ZNF880: variants seen among roughly 807,000 people sequenced by gnomAD.
ZNF880 encodes the protein zinc finger protein 880.
Under a neutral mutation model 11.8 loss-of-function variants are expected in ZNF880, and 12 were observed. The ratio of observed to expected loss-of-function variants is 1.02; its 90% confidence interval spans 0.65 to 1.65. ZNF880 has a LOEUF of 1.65. Ranked by LOEUF, ZNF880 falls within the 40% of genes most tolerant of loss-of-function variation. The pLI is 0.00. For missense variants in ZNF880, 601 were observed against 673.9 expected (o/e 0.89, Z 1.20); for synonymous variants, 210 against 232.4 (o/e 0.90, Z 0.88).
the ZNF880 span, chr19:52,395,622 C>T: frequency 6.6e-6 from 1 of 152,310 alleles, no homozygotes; most frequent in East Asian, 1.9e-4. Context: ...TTCTGCTCCC[C>T]AAGGCTCAGG....
the ZNF880 span, chr19:52,395,557 G>A: frequency 6.6e-6 from 1 of 152,210 alleles, no homozygotes; most frequent in South Asian, 2.1e-4. Flanking sequence ...CACACAGTAA[G>A]TTACATGAAG....
At chr19:52,367,107 T>G (rs1986140016), upstream of ZNF880, 2 of 133,322 alleles carry the variant, frequency 1.5e-5, no homozygotes, top group Admixed American at 2.1e-4. Context: ...AGTAATAAAG[T>G]TTAAAGTTTT....
chr19:52,374,210 A>AT, intron 2 of ZNF880, 89 bp from the exon 3 acceptor site: 8 of 1,055,596 alleles, frequency 7.6e-6, no homozygotes, highest in African/African-American at 4.1e-5. Flanking sequence ...ACGCCCCGCT[A>AT]ATTTTTTTTT....
chr19:52,386,185 A>AG (rs1555804469), downstream of ZNF880, among the ~76,000 whole-genome samples: 5 of 141,062 alleles, frequency 3.5e-5, 2 homozygotes, highest in African/African-American at 1.4e-4. Flanking sequence ...AAAAAAAAAA[A>AG]AAAGAAAGAA....
At chr19:52,372,738 A>G (rs1986415858) in intron 1 of ZNF880, among the ~76,000 whole-genome samples, 3 of 149,238 alleles carry the variant, frequency 2.0e-5, no homozygotes, top group African/African-American at 7.3e-5. Context: ...CATCTCTACT[A>G]ACAATACAAA....
upstream of ZNF880, chr19:52,366,877 G>C: frequency 1.3e-6 from 1 of 790,126 alleles, no homozygotes. Flanking sequence ...TTGCATTGAA[G>C]CCTCATCACT....
chr19:52,393,925 C>T, the ZNF880 span, among the ~76,000 whole-genome samples: 4 of 151,088 alleles, frequency 2.6e-5, no homozygotes, highest in African/African-American at 4.9e-5. Context: ...CAAGCTCCGC[C>T]TCCTGAGTTC....
At chr19:52,391,935 T>A in the ZNF880 span, among the ~76,000 whole-genome samples, 2 of 152,178 alleles carry the variant, frequency 1.3e-5, no homozygotes, top group Non-Finnish European at 2.9e-5. Context: ...TCATCTCCGG[T>A]CATCAAAATG....
rs192032495 is a variant in ZNF880, at chr19:52,372,996, A to G, written c.13-115A>G. 4.2e-4 allele frequency: 433 copies of G among 1,026,578 alleles called. 2 individuals carry two copies. The highest frequency in any genetic ancestry group is 5.9e-4 in the Non-Finnish European group (397 of 672,096). 63.6% of individuals were successfully genotyped at this position (1,026,578 alleles called of 1,614,324 possible). A position where few individuals can be genotyped will look rare whatever the true frequency, so the allele number is the denominator to read the frequency against. On this transcript the variant is annotated intron_variant, in intron 1 of 3. Transcript: ENST00000422689. ...CACAATTAGAAACATATAACTAGCTAAAAAAATACCTTAACGTGGATTTGT... is the reference window on the plus strand; with the variant it reads ...CACAATTAGAAACATATAACTAGCTGAAAAAATACCTTAACGTGGATTTGT...
upstream of ZNF880, chr19:52,369,884 C>CCCGGG: frequency 1.3e-6 from 2 of 1,537,424 alleles, no homozygotes; most frequent in African/African-American, 1.4e-5. Flanking sequence ...CCCAATCCCA[C>CCCGGG]CCGGGCCTGG....
At chr19:52,376,707 A>G (rs901183040) in intron 3 of ZNF880, among the ~76,000 whole-genome samples, 44 of 152,060 alleles carry the variant, frequency 2.9e-4, no homozygotes, top group African/African-American at 9.2e-4. Flanking sequence ...ACGGGGTTTC[A>G]TTATGTTGGC....
chr19:52,392,282 C>T, the ZNF880 span, among the ~76,000 whole-genome samples: 1 of 120,104 alleles, frequency 8.3e-6, no homozygotes, highest in Admixed American at 8.2e-5. Context: ...TCTCTCTTTC[C>T]TTCCTCCCTT....
chr19:52,380,240 A>G (rs565204876), intron 3 of ZNF880, among the ~76,000 whole-genome samples: 1 of 151,838 alleles, frequency 6.6e-6, no homozygotes, highest in South Asian at 2.1e-4. Context: ...GCAACAGAAC[A>G]TAAGTCTCCC....
chr19:52,390,375 G>C (rs1006942255), downstream of ZNF880: 1 of 403,636 alleles, frequency 2.5e-6, no homozygotes, highest in East Asian at 1.0e-4. Flanking sequence ...GGATCCTGCA[G>C]ACCCTGCCCC....
Position 52,385,397 on chromosome 19 carries a change from T to G in ZNF880, c.*83T>G. 1 of 1,423,192 alleles carries G rather than the reference T, an allele frequency of 7.0e-7. No homozygotes were observed. Among genetic ancestry groups the G allele is most frequent in the Non-Finnish European group, 9.5e-7 (1 of 1,055,038 alleles). The allele number at this position is 1,423,192 out of a possible 1,614,324, so 88.2% of individuals were successfully genotyped here. A position where few individuals can be genotyped will look rare whatever the true frequency, so the allele number is the denominator to read the frequency against. ...CATTCATGAGAGAGTTCTTACAAAC[T>G]GAGTATGGCAAACTCTTCATGCTAA... On this transcript the variant is annotated 3_prime_UTR_variant, in exon 4 of 4. Transcript: ENST00000422689.
At chr19:52,380,346 T>C (rs1345196001) in intron 3 of ZNF880, among the ~76,000 whole-genome samples, 3 of 152,174 alleles carry the variant, frequency 2.0e-5, no homozygotes, top group East Asian at 3.9e-4. Context: ...TGTGAGATGA[T>C]AGCTCATTGT....
chr19:52,392,066 G>A, the ZNF880 span, among the ~76,000 whole-genome samples: 5 of 152,126 alleles, frequency 3.3e-5, no homozygotes, highest in Admixed American at 3.3e-4. Flanking sequence ...AGGAGGCTGA[G>A]GGCTCAGTTG....
rs7256760 is a variant in ZNF880, at chr19:52,373,147, C to T, written c.49C>T (p.Pro17Ser). The T allele has an allele frequency of 4.9e-3, 7,879 of 1,613,202 alleles. 342 individuals carry two copies. In the African/African-American group the frequency reaches 0.092, roughly 19 times the overall value. The change falls in exon 2 of 4, where the codon CCT becomes TCT. Residue 17 changes from proline to serine, a missense_variant. Coordinates refer to ENST00000422689, the MANE Select transcript of ZNF880 (RefSeq NM_001145434.2). ...ATTCAGGGACGTGGCCATAGAATTC[C>T]CTCAGGAGGAGTGGAAATGTCTGGA... ...LAFRDVAIEF[P>S]QEEWKCLDPA...
At position 52,384,893 on chromosome 19, in the gene ZNF880, G is replaced by A; in HGVS notation, c.1313G>A (p.Cys438Tyr). Residue 438 changes from cysteine (C) to tyrosine (Y), a missense_variant, in exon 4 of 4, where the codon TGT (cysteine) becomes TAT (tyrosine). Around this residue, in one of 3 missense-constraint regions of ZNF880, gnomAD observed 177 missense variants for 214.5 expected, o/e 0.83. Transcript: ENST00000422689. ...LIHTGEKPYK[C>Y]KECAKVFRHR... is the part of the protein sequence containing the mutation. ...CACACTGGAGAGAAACCTTACAAAT[G>A]TAAAGAATGTGCCAAGGTCTTCAGG... 6.2e-7 allele frequency: 1 copy of A among 1,610,136 alleles called. No homozygotes were observed. The highest frequency in any genetic ancestry group is 8.5e-7 in the Non-Finnish European group (1 of 1,178,046).
Sources: gnomAD v4.1 joint callset for allele counts (sites outside exome capture counted in the v4.1 genomes callset) on GRCh38, gnomAD v4.1.1 for gene constraint, gnomAD v4.1.1 regional missense constraint, MANE v1.5 for transcripts, NCBI Gene and HGNC (gene_info 2026-07-23, HGNC 2026-07-21) for gene names.